The following PTPRA variants were observed in gnomAD, a reference collection of about 807,000 sequenced individuals.
PTPRA encodes the protein receptor-type tyrosine-protein phosphatase alpha.
In PTPRA, 25 loss-of-function variants were observed where a neutral mutation model predicts 104.8. That is an observed-to-expected ratio of 0.24 (90% CI 0.17 to 0.33). PTPRA has a LOEUF of 0.33. Among genes scored for constraint, PTPRA ranks in the 10% least tolerant of loss-of-function variants. The pLI is 1.00. For synonymous variants in PTPRA, 323 were observed against 368.9 expected, an observed-to-expected ratio of 0.88 and a Z score of 1.43; for missense variants, 765 against 1,015.3, an observed-to-expected ratio of 0.75 and a Z score of 3.35.
Position 2,874,322 on chromosome 20 carries a change from C to T in PTPRA, c.-129+562C>T, listed in dbSNP as rs915765595. The stretch of plus-strand genomic sequence containing the variant: ...GGCCAATTGAGAACGCAGGTCCCCT[C>T]CCTTTTTACTTTCGGTAAATAAAAA... On this transcript the variant is annotated intron_variant, in intron 1 of 23. Coordinates refer to ENST00000399903, the MANE Select transcript of PTPRA (RefSeq NM_001385305.1). 7.2e-5 allele frequency among the ~76,000 whole-genome samples: 11 copies of T among 151,894 alleles called. 1 individual carries two copies. The highest frequency in any genetic ancestry group is 4.2e-4 in the South Asian group (2 of 4,812).
At chr20:2,965,223 T>C (rs765787719) in intron 5 of PTPRA, 21 bp downstream of exon 5, 1 of 1,559,972 alleles carries the variant, frequency 6.4e-7, no homozygotes, top group Non-Finnish European at 8.8e-7. Flanking sequence ...TGATTCTGTT[T>C]GTTCTTTTGC....
chr20:2,914,376 C>T (rs1182962639), intron 1 of PTPRA, among the ~76,000 whole-genome samples: 1 of 151,934 alleles, frequency 6.6e-6, no homozygotes, highest in African/African-American at 2.4e-5. Flanking sequence ...AGAGCTAGAG[C>T]ATATATGCAT....
At chr20:3,003,784 A>T (rs1375061137) in intron 9 of PTPRA, among the ~76,000 whole-genome samples, 2 of 147,774 alleles carry the variant, frequency 1.4e-5, no homozygotes, top group Non-Finnish European at 3.0e-5. Context: ...GGCCTCAAGT[A>T]GTCCTCCCAC....
At chr20:2,914,532 A>T (rs989694633) in intron 1 of PTPRA, among the ~76,000 whole-genome samples, 1 of 148,686 alleles carries the variant, frequency 6.7e-6, no homozygotes, top group Admixed American at 6.8e-5. Flanking sequence ...AGTTCATTTT[A>T]TTTTTCTTCC....
intron 1 of PTPRA, among the ~76,000 whole-genome samples, chr20:2,903,649 C>T (rs527874126): frequency 6.6e-6 from 1 of 152,100 alleles, no homozygotes; most frequent in Admixed American, 6.6e-5. Flanking sequence ...GATAATGCCA[C>T]TACACTCCAG....
At chr20:2,885,267 T>C (rs1189626151) in intron 1 of PTPRA, among the ~76,000 whole-genome samples, 1 of 152,254 alleles carries the variant, frequency 6.6e-6, no homozygotes, top group Non-Finnish European at 1.5e-5. Flanking sequence ...CATTATGTTT[T>C]AATTTGCATT....
chr20:2,916,642 C>T (rs991551698), intron 1 of PTPRA, among the ~76,000 whole-genome samples: 1 of 152,080 alleles, frequency 6.6e-6, no homozygotes, highest in African/African-American at 2.4e-5. Flanking sequence ...GTGTTGAAGG[C>T]TGCAGTGAGC....
At chr20:2,987,144 A>C (rs1218103383) in intron 7 of PTPRA, among the ~76,000 whole-genome samples, 1 of 152,062 alleles carries the variant, frequency 6.6e-6, no homozygotes, top group Non-Finnish European at 1.5e-5. Flanking sequence ...AAGAAACCGC[A>C]GTTTGTTATT....
At chr20:2,954,400 T>C (rs1472706311) in intron 3 of PTPRA, among the ~76,000 whole-genome samples, 2 of 151,106 alleles carry the variant, frequency 1.3e-5, no homozygotes, top group Non-Finnish European at 3.0e-5. Flanking sequence ...TTTAAATGTA[T>C]TTTGTAGAGA....
chr20:2,924,254 G>T (rs1014512537), intron 2 of PTPRA, among the ~76,000 whole-genome samples: 7 of 151,932 alleles, frequency 4.6e-5, no homozygotes, highest in African/African-American at 7.3e-5. Context: ...TTACAAAAAT[G>T]AGCTGAGTGT....
chr20:2,953,722 C>A (rs1457717165), intron 3 of PTPRA, among the ~76,000 whole-genome samples: 1 of 151,382 alleles, frequency 6.6e-6, no homozygotes, highest in Non-Finnish European at 1.5e-5. Flanking sequence ...CTTCTCCTGC[C>A]TCAGACTTCC....
At chr20:2,864,200 T>C in the PTPRA span, 2 of 1,614,176 alleles carry the variant, frequency 1.2e-6, no homozygotes, top group Non-Finnish European at 8.5e-7. This position sits in a 1 kb window ranked among gnomAD's most constrained non-coding sequence, Gnocchi z 5.2. Context: ...TGAGCCACGC[T>C]CAGGGGAGCA....
upstream of PTPRA, among the ~76,000 whole-genome samples, chr20:2,870,234 G>A (rs1291721978): frequency 1.3e-5 from 2 of 151,618 alleles, no homozygotes; most frequent in Non-Finnish European, 2.9e-5. Context: ...CAGGCGTGGT[G>A]GCGCATGCCT....
intron 1 of PTPRA, 54 bp from the exon 2 acceptor site, chr20:2,923,153 C>A: frequency 2.6e-6 from 2 of 767,940 alleles, no homozygotes; most frequent in South Asian, 1.9e-5. Flanking sequence ...TAAGCTAGAA[C>A]AATCTGCTCA....
intron 1 of PTPRA, among the ~76,000 whole-genome samples, chr20:2,904,889 A>G (rs1169979221): frequency 7.9e-5 from 12 of 152,122 alleles, no homozygotes; most frequent in Non-Finnish European, 1.8e-4. Context: ...TGTTTGGGGA[A>G]AAATACGTAA....
At chr20:2,909,247 C>T (rs759894368) in intron 1 of PTPRA, among the ~76,000 whole-genome samples, 1 of 152,106 alleles carries the variant, frequency 6.6e-6, no homozygotes, top group Non-Finnish European at 1.5e-5. Context: ...TGTGATTGCA[C>T]CACTGCACTC....
intron 1 of PTPRA, among the ~76,000 whole-genome samples, chr20:2,903,648 A>G (rs2059313607): frequency 6.6e-6 from 1 of 152,204 alleles, no homozygotes; most frequent in African/African-American, 2.4e-5. Flanking sequence ...TGATAATGCC[A>G]CTACACTCCA....
Position 3,030,013 on chromosome 20 carries a change from C to G in PTPRA, c.1920+2172C>G, listed in dbSNP as rs551938079. On this transcript the variant is annotated intron_variant, in intron 20 of 23. Coordinates refer to ENST00000399903, the MANE Select transcript of PTPRA (RefSeq NM_001385305.1). ...GTCGTGATGGAACCTGCAGATCAGA[C>G]CAGGGCCCTACCTGTGGTTCCTTCT... Among the ~76,000 whole-genome samples the G allele has an allele frequency of 5.9e-5, 9 of 152,240 alleles. 1 individual carries two copies. The highest frequency in any genetic ancestry group is 2.2e-4 in the African/African-American group (9 of 41,528).
intron 1 of PTPRA, among the ~76,000 whole-genome samples, chr20:2,891,720 T>C (rs2058797564): frequency 6.6e-6 from 1 of 152,178 alleles, no homozygotes; most frequent in Non-Finnish European, 1.5e-5. Flanking sequence ...AGTTGTCTCT[T>C]AGTATCTTCA....
Sources: allele counts gnomAD v4.1 joint callset (sites outside exome capture counted in the v4.1 genomes callset), GRCh38; gene constraint gnomAD v4.1.1; non-coding constraint Gnocchi (gnomAD v3.1); transcripts MANE v1.5; gene names NCBI Gene and HGNC (gene_info 2026-07-23, HGNC 2026-07-21).